Variants in HEPH observed in about 807,000 individuals in gnomAD.
The protein encoded by HEPH is hephaestin.
HEPH carries 69 observed loss-of-function variants against 80.8 expected under a neutral mutation model. The ratio of observed to expected loss-of-function variants is 0.85; its 90% CI spans 0.70 to 1.04. The LOEUF is 1.04. Ranked by LOEUF, HEPH falls within the 50% of genes least tolerant of loss-of-function variation. The pLI is 0.00. For synonymous variants in HEPH, 431 were observed against 322.8 expected (o/e 1.34, Z -3.60); for missense variants, 1,115 against 891.3 (o/e 1.25, Z -3.20).
chrX:66,198,041 G>A (rs1244997420), intron 10 of HEPH, 147 bp downstream of exon 10: 1 of 486,276 alleles, frequency 2.1e-6, no homozygotes, highest in Non-Finnish European at 3.5e-6. Context: ...TTAATAGTTG[G>A]TGACCTCATA....
chrX:66,227,772 AG>A (rs1275404532), intron 15 of HEPH, among the ~76,000 whole-genome samples: 1 of 111,019 alleles, frequency 9.0e-6, no homozygotes, highest in Non-Finnish European at 1.9e-5. Context: ...TTTTTATACT[AG>A]TACCATGCTG....
In HEPH at chrX:66,172,500, G is replaced by A; in HGVS notation, c.313G>A (p.Ala105Thr). The A allele has an allele frequency of 8.3e-7, 1 of 1,210,529 alleles. No homozygotes were observed. Among genetic ancestry groups the A allele is most frequent in the Non-Finnish European group, 1.1e-6 (1 of 894,959 alleles). The change falls in exon 3 of 21, where the codon GCT becomes ACT. Residue 105 changes from alanine to threonine, a missense_variant. This residue lies in a region of HEPH where 391 missense variants were observed against 343.6 expected (regional missense o/e 1.14). Coordinates refer to ENST00000343002, the MANE Select transcript of HEPH (RefSeq NM_001367233.3). ...GGGCTTCCTGGGGCCAGTGTTGCAG[G>A]CTGAAGTGGGGGATGTCATTCTTAT... ...WLGFLGPVLQ[A>T]EVGDVILIHL...
intron 6 of HEPH, among the ~76,000 whole-genome samples, chrX:66,191,019 G>A (rs1218952623): frequency 2.7e-5 from 3 of 111,920 alleles, no homozygotes; most frequent in Non-Finnish European, 5.6e-5. Context: ...AAGTAGTGAT[G>A]TATACCTCAT....
intron 15 of HEPH, among the ~76,000 whole-genome samples, chrX:66,244,115 T>C (rs707298): frequency 0.38 from 41,449 of 110,520 alleles, 9,381 homozygotes; most frequent in African/African-American, 0.86. Flanking sequence ...TTTTTTCCTC[T>C]ATTTTGACCT....
intron 9 of HEPH, among the ~76,000 whole-genome samples, 196 bp from the exon 10 acceptor site, chrX:66,197,487 C>A (rs1247219385): frequency 6.3e-5 from 7 of 111,718 alleles, no homozygotes; most frequent in South Asian, 3.7e-4. Flanking sequence ...TTTCATATAG[C>A]AAGTAATGGA....
intron 15 of HEPH, among the ~76,000 whole-genome samples, chrX:66,253,485 T>A (rs1598692): frequency 0.092 from 10,332 of 111,956 alleles, 1,119 homozygotes; most frequent in African/African-American, 0.32. Flanking sequence ...ATGCAGATGT[T>A]GAGAAATTGG....
At chrX:66,178,137 T>C (rs781311983) in intron 4 of HEPH, among the ~76,000 whole-genome samples, 1 of 111,221 alleles carries the variant, frequency 9.0e-6, no homozygotes, top group South Asian at 3.8e-4. Flanking sequence ...ATGTTCCCTT[T>C]CCTGTGTCCA....
At chrX:66,243,650 A>C (rs1053395187) in intron 15 of HEPH, among the ~76,000 whole-genome samples, 1 of 113,107 alleles carries the variant, frequency 8.8e-6, no homozygotes, top group Non-Finnish European at 1.9e-5. Flanking sequence ...GAATTGGGGC[A>C]TTTAACCAGT....
At chrX:66,216,467 G>A (rs989368698) in intron 15 of HEPH, among the ~76,000 whole-genome samples, 8 of 111,720 alleles carry the variant, frequency 7.2e-5, no homozygotes, top group African/African-American at 2.6e-4. Context: ...CTGCTGGGTG[G>A]CTGGATCCAG....
downstream of HEPH, chrX:66,267,880 G>T (rs1602601622): frequency 9.0e-6 from 1 of 111,215 alleles, no homozygotes; most frequent in East Asian, 2.8e-4. Flanking sequence ...GGGTAAGATG[G>T]CCCACCCCAC....
chrX:66,175,702 C>T (rs1264479915), intron 4 of HEPH, among the ~76,000 whole-genome samples: 1 of 110,776 alleles, frequency 9.0e-6, no homozygotes, highest in Non-Finnish European at 1.9e-5. Flanking sequence ...TTTTGTAGTT[C>T]TCCTTGTAGA....
In HEPH at chrX:66,186,305, G is replaced by A. The variant is rs539939226; in HGVS notation, c.626-2054G>A. Among the ~76,000 whole-genome samples, 162 of 105,539 alleles carry A rather than the reference G, an allele frequency of 1.5e-3. 3 individuals carry two copies. The South Asian group carries it at 0.068, about 44-fold the overall frequency. 91.6% of individuals were successfully genotyped at this position (105,539 alleles called of 115,157 possible). A position where few individuals can be genotyped will look rare whatever the true frequency, so the allele number is the denominator to read the frequency against. On this transcript the variant is annotated intron_variant, in intron 4 of 20. Coordinates refer to ENST00000343002, the MANE Select transcript of HEPH (RefSeq NM_001367233.3). ...TGGCGGGCGCCCCTCCCCCAGCCTC[G>A]TTGCCGCCTTGCAGTTTGATCTCAG...
intron 4 of HEPH, among the ~76,000 whole-genome samples, chrX:66,186,907 G>T (rs969789088): frequency 2.7e-5 from 3 of 110,973 alleles, no homozygotes; most frequent in Admixed American, 9.6e-5. Context: ...CTTCGTAGGG[G>T]CTTTGTTCAT....
At position 66,167,182 on chromosome X, in the gene HEPH, C is replaced by T. The variant is rs1458664778; in HGVS notation, c.-14+2712C>T. On this transcript the variant is annotated intron_variant, in intron 1 of 20. Transcript: ENST00000343002. ...TCACTTAGGTAGCCTGATACCAAAG[C>T]CTGTGCCCTGGATGCAAAATCGAGT... Among the ~76,000 whole-genome samples, 29 of 112,076 alleles carry T rather than the reference C, an allele frequency of 2.6e-4. 1 individual carries two copies. Among genetic ancestry groups the T allele is most frequent in the Non-Finnish European group, 1.1e-4 (6 of 53,193 alleles).
rs988527100 is a variant in HEPH, at chrX:66,261,817, A to G, written c.3199+1555A>G. Among the ~76,000 whole-genome samples the G allele has an allele frequency of 5.3e-5, 6 of 112,257 alleles. 1 individual carries two copies. Among genetic ancestry groups the G allele is most frequent in the African/African-American group, 1.9e-4 (6 of 30,917 alleles). Reference sequence around the variant, plus strand: ...TACTGCTAGAATGCAGCTTCCACTTAACTACTCAGGAGCTATTCCCTAGCA... The same window carrying G: ...TACTGCTAGAATGCAGCTTCCACTTGACTACTCAGGAGCTATTCCCTAGCA... On this transcript the variant is annotated intron_variant, in intron 19 of 20. Coordinates refer to ENST00000343002, the MANE Select transcript of HEPH (RefSeq NM_001367233.3).
intron 4 of HEPH, among the ~76,000 whole-genome samples, chrX:66,186,639 G>A (rs2147661216): frequency 8.9e-6 from 1 of 111,824 alleles, no homozygotes; most frequent in South Asian, 3.8e-4. Context: ...ACCTCAGATG[G>A]AAATGCAGAA....
chrX:66,259,259 G>C lies in HEPH; in HGVS notation c.3036+280G>C, dbSNP rs779511094. Among the ~76,000 whole-genome samples the C allele has an allele frequency of 2.7e-5, 3 of 111,907 alleles. No individual in the cohort carries two copies. In the Admixed American group the frequency reaches 2.8e-4, roughly 11 times the overall value. On this transcript the variant is annotated intron_variant, in intron 18 of 20. Transcript: ENST00000343002. Reference sequence around the variant, plus strand: ...AATATCAAGTCTCAGTCAAGGACTTGAGACTCAATGAGCAGTGATTTTTAA... The same window carrying C: ...AATATCAAGTCTCAGTCAAGGACTTCAGACTCAATGAGCAGTGATTTTTAA...
chrX:66,203,601 T>C (rs753160332), intron 13 of HEPH, 24 bp downstream of exon 13: 36 of 1,162,542 alleles, frequency 3.1e-5, no homozygotes, highest in Middle Eastern at 4.8e-4. Flanking sequence ...AATGGAGAGA[T>C]TACACTTTTA....
intron 15 of HEPH, among the ~76,000 whole-genome samples, chrX:66,229,848 A>C (rs2090047739): frequency 9.2e-6 from 1 of 109,096 alleles, no homozygotes; most frequent in African/African-American, 3.3e-5. Context: ...ATATATATAC[A>C]TGTGCCATGC....
Sources: allele counts gnomAD v4.1 joint callset (sites outside exome capture counted in the v4.1 genomes callset), GRCh38; gene constraint gnomAD v4.1.1; regional missense constraint gnomAD v4.1.1; transcripts MANE v1.5; gene names NCBI Gene and HGNC (gene_info 2026-07-23, HGNC 2026-07-21).